The following HECW1 variants were observed in gnomAD, a reference collection of about 807,000 sequenced individuals.
HECW1 encodes E3 ubiquitin-protein ligase HECW1.
A neutral mutation model predicts 182.3 loss-of-function variants in HECW1; 61 were observed. That is an observed-to-expected ratio of 0.33 (90% confidence interval 0.27 to 0.41). HECW1 has a LOEUF of 0.41. HECW1 is among the 10% of genes least tolerant of loss of function. HECW1 has a pLI of 1.00. For missense variants in HECW1, 1,739 were observed against 2,108.9 expected (o/e 0.82, Z 3.44); for synonymous variants, 859 against 832.6 (o/e 1.03, Z -0.55).
At chr7:43,239,869 G>T (rs920793916) in intron 2 of HECW1, 13 of 152,248 alleles carry the variant, frequency 8.5e-5, no homozygotes, top group African/African-American at 3.1e-4. Context: ...CGGCACACTG[G>T]CTGGGCCTCT....
intron 24 of HECW1, among the ~76,000 whole-genome samples, chr7:43,540,572 A>G (rs1043174254): frequency 3.9e-5 from 6 of 152,220 alleles, no homozygotes; most frequent in East Asian, 1.9e-4. Flanking sequence ...TCTTCTTAGC[A>G]GTGACCTCGT....
At chr7:43,123,390 G>C (rs906218890) in intron 2 of HECW1, among the ~76,000 whole-genome samples, 1 of 152,104 alleles carries the variant, frequency 6.6e-6, no homozygotes, top group Non-Finnish European at 1.5e-5. Flanking sequence ...GGTCCCTTAG[G>C]GCCAAGGCAC....
intron 17 of HECW1, among the ~76,000 whole-genome samples, chr7:43,488,437 A>AAAGAAAGAAAG (rs2078773564): frequency 1.9e-5 from 2 of 108,090 alleles, no homozygotes; most frequent in African/African-American, 7.6e-5. Context: ...AAAGAAAGAG[A>AAAGAAAGAAAG]AAGAAAGAAA....
At chr7:43,218,680 TTGA>T (rs772217424) in intron 2 of HECW1, among the ~76,000 whole-genome samples, 23 of 152,204 alleles carry the variant, frequency 1.5e-4, no homozygotes, top group Non-Finnish European at 2.9e-4. Context: ...TTGATAGTTC[TTGA>T]TGAACAAAGC....
chr7:43,534,263 C>A (rs1389837542), intron 24 of HECW1, among the ~76,000 whole-genome samples: 1 of 152,178 alleles, frequency 6.6e-6, no homozygotes, highest in Non-Finnish European at 1.5e-5. Context: ...TAAATCGTGG[C>A]CTGTAAATAA....
At chr7:43,424,808 G>A (rs77430393) in intron 8 of HECW1, among the ~76,000 whole-genome samples, 21,305 of 152,010 alleles carry the variant, frequency 0.14, 1,793 homozygotes, top group Middle Eastern at 0.23. Context: ...TCACTATACT[G>A]ATACCATGAT....
At chr7:43,358,929 A>G (rs1815513183) in intron 5 of HECW1, among the ~76,000 whole-genome samples, 1 of 144,334 alleles carries the variant, frequency 6.9e-6, no homozygotes, top group Admixed American at 7.0e-5. Flanking sequence ...GGTTCCAGCA[A>G]TTCTCCTGCT....
intron 3 of HECW1, among the ~76,000 whole-genome samples, chr7:43,304,826 T>C (rs1807344185): frequency 6.6e-6 from 1 of 152,212 alleles, no homozygotes; most frequent in Non-Finnish European, 1.5e-5. Context: ...TCATCTATGT[T>C]CTTGCCAGGC....
At chr7:43,369,182 G>A (rs959957218) in intron 6 of HECW1, among the ~76,000 whole-genome samples, 13 of 152,164 alleles carry the variant, frequency 8.5e-5, no homozygotes, top group African/African-American at 3.1e-4. Flanking sequence ...TTTAGGGCCG[G>A]GCGCAGTGGC....
chr7:43,424,106 A>G (rs958280054), intron 8 of HECW1, among the ~76,000 whole-genome samples: 1 of 152,220 alleles, frequency 6.6e-6, no homozygotes, highest in African/African-American at 2.4e-5. Context: ...CGGCCACAGC[A>G]GAAATTCCAC....
At chr7:43,159,628 T>G (rs1317800921) in intron 2 of HECW1, among the ~76,000 whole-genome samples, 1 of 152,080 alleles carries the variant, frequency 6.6e-6, no homozygotes, top group Non-Finnish European at 1.5e-5. Flanking sequence ...ACAAAAAACA[T>G]TTCCTTATAT....
intron 2 of HECW1, among the ~76,000 whole-genome samples, chr7:43,197,013 T>G (rs1297678275): frequency 6.6e-6 from 1 of 152,104 alleles, no homozygotes; most frequent in East Asian, 1.9e-4. Flanking sequence ...GACGGGCACA[T>G]ATCTCTCAAA....
At chr7:43,416,936 C>T (rs2076026888) in intron 8 of HECW1, among the ~76,000 whole-genome samples, 1 of 152,182 alleles carries the variant, frequency 6.6e-6, no homozygotes, top group African/African-American at 2.4e-5. Flanking sequence ...CTGGCACTCC[C>T]TAGTGAGATG....
chr7:43,522,923 C>T (rs762746857), intron 24 of HECW1: 3 of 333,778 alleles, frequency 9.0e-6, no homozygotes, highest in South Asian at 2.1e-5. Flanking sequence ...AAAACAGCTC[C>T]GTGGTGGGGA....
intron 5 of HECW1, among the ~76,000 whole-genome samples, chr7:43,327,325 C>T (rs1387570827): frequency 1.3e-5 from 2 of 152,044 alleles, no homozygotes; most frequent in Non-Finnish European, 2.9e-5. Flanking sequence ...TTTTATAGAG[C>T]TCCGTGGAAA....
At chr7:43,255,097 C>G (rs1263603418) in intron 3 of HECW1, among the ~76,000 whole-genome samples, 1 of 152,178 alleles carries the variant, frequency 6.6e-6, no homozygotes. Context: ...AGAACACAAA[C>G]TCTATGTTAT....
At chr7:43,122,473 G>T (rs1284317257) in intron 2 of HECW1, among the ~76,000 whole-genome samples, 1 of 152,198 alleles carries the variant, frequency 6.6e-6, no homozygotes, top group Non-Finnish European at 1.5e-5. Flanking sequence ...ACCCAGAAAG[G>T]GGGGTTTATT....
intron 2 of HECW1, chr7:43,148,587 G>A (rs7787356): frequency 0.45 from 67,993 of 151,306 alleles, 15,405 homozygotes; most frequent in African/African-American, 0.46. Flanking sequence ...AAACAGTGTT[G>A]GATACTTAAA....
At chr7:43,206,198 A>G (rs1486532907) in intron 2 of HECW1, among the ~76,000 whole-genome samples, 1 of 152,170 alleles carries the variant, frequency 6.6e-6, no homozygotes, top group Non-Finnish European at 1.5e-5. Context: ...CTCACAAGGG[A>G]GCATTTTAAG....
Sources: gnomAD v4.1 joint callset for allele counts (sites outside exome capture counted in the v4.1 genomes callset) on GRCh38, gnomAD v4.1.1 for gene constraint, MANE v1.5 for transcripts, NCBI Gene and HGNC (gene_info 2026-07-23, HGNC 2026-07-21) for gene names.